The following DNAJC1 variants were observed in gnomAD, a reference collection of about 807,000 sequenced individuals.
The protein encoded by DNAJC1 is dnaJ homolog subfamily C member 1.
A neutral mutation model predicts 76.6 loss-of-function variants in DNAJC1; 58 were observed. The observed-to-expected ratio is 0.76, with a 90% CI of 0.61 to 0.94. The LOEUF is 0.94. Among genes scored for constraint, DNAJC1 ranks in the 40% least tolerant of loss-of-function variants. DNAJC1 has a pLI of 0.00. For synonymous variants in DNAJC1, 258 were observed against 267.9 expected, an observed-to-expected ratio of 0.96 and a Z score of 0.36; for missense variants, 689 against 677.3, an observed-to-expected ratio of 1.02 and a Z score of -0.19.
chr10:21,840,673 C>A (rs1046369091), intron 8 of DNAJC1, among the ~76,000 whole-genome samples: 4 of 152,188 alleles, frequency 2.6e-5, no homozygotes, highest in Non-Finnish European at 5.9e-5. Context: ...AATGGCCATA[C>A]TGCCCAAGGT....
chr10:21,993,125 T>TAC (rs146539302), intron 1 of DNAJC1, among the ~76,000 whole-genome samples: 2 of 151,950 alleles, frequency 1.3e-5, no homozygotes, highest in African/African-American at 4.8e-5. Flanking sequence ...CATATATATA[T>TAC]ACTTTACAAG....
At chr10:21,825,363 T>A (rs1835230913) in intron 8 of DNAJC1, among the ~76,000 whole-genome samples, 1 of 152,274 alleles carries the variant, frequency 6.6e-6, no homozygotes, top group South Asian at 2.1e-4. Flanking sequence ...GTGTAGCATC[T>A]ACCAGTCTTT....
intron 8 of DNAJC1, among the ~76,000 whole-genome samples, chr10:21,816,184 A>G (rs1835071805): frequency 6.7e-6 from 1 of 149,792 alleles, no homozygotes; most frequent in African/African-American, 2.4e-5. Flanking sequence ...CCTGGCCAAC[A>G]TGGTGAAACC....
At chr10:21,993,338 G>A (rs1187683556) in intron 1 of DNAJC1, among the ~76,000 whole-genome samples, 3 of 152,138 alleles carry the variant, frequency 2.0e-5, no homozygotes, top group Non-Finnish European at 2.9e-5. Context: ...ACCATGGCAC[G>A]TTACAGAAAA....
At chr10:21,774,519 G>C (rs1393856039) in intron 9 of DNAJC1, among the ~76,000 whole-genome samples, 1 of 152,138 alleles carries the variant, frequency 6.6e-6, no homozygotes, top group Non-Finnish European at 1.5e-5. Flanking sequence ...CTGTCACCTA[G>C]ACTGGAGCGC....
intron 1 of DNAJC1, among the ~76,000 whole-genome samples, chr10:21,967,250 G>A (rs1314804565): frequency 3.2e-4 from 48 of 152,048 alleles, no homozygotes; most frequent in Non-Finnish European, 2.9e-5. Context: ...TTTACTTTCT[G>A]TGTCTTTAGT....
In DNAJC1 at chr10:21,909,946, T is replaced by G. The variant is rs1836827749; in HGVS notation, c.730-5334A>C. 2.6e-5 allele frequency among the ~76,000 whole-genome samples: 4 copies of G among 152,164 alleles called. No homozygotes were observed. The South Asian group carries it at 8.3e-4, about 32-fold the overall frequency. ...CTAAGGTCTATCAGTCTACCGTGAT[T>G]AATACAAATAGTAAATGCTGTAAAG... is the stretch of plus-strand genomic sequence containing the variant. On this transcript the variant is annotated intron_variant, in intron 6 of 11. Coordinates refer to ENST00000376980, the MANE Select transcript of DNAJC1 (RefSeq NM_022365.4).
chr10:21,764,107 TA>T (rs376380736), intron 10 of DNAJC1, among the ~76,000 whole-genome samples: 356 of 146,636 alleles, frequency 2.4e-3, no homozygotes, highest in African/African-American at 8.0e-3. Context: ...TTCAGAACAA[TA>T]AAAAAAAAAT....
chr10:21,912,904 G>A (rs1350736750), intron 6 of DNAJC1, among the ~76,000 whole-genome samples: 2 of 152,050 alleles, frequency 1.3e-5, no homozygotes, highest in Non-Finnish European at 2.9e-5. Context: ...AGTCTCCATG[G>A]GAGAAGCAGC....
intron 8 of DNAJC1, among the ~76,000 whole-genome samples, chr10:21,807,507 C>T (rs1339247278): frequency 1.3e-5 from 2 of 152,156 alleles, no homozygotes; most frequent in Non-Finnish European, 2.9e-5. Context: ...GTGCATTGCC[C>T]CTGTTAAAGG....
At chr10:21,827,577 T>C (rs965022072) in intron 8 of DNAJC1, among the ~76,000 whole-genome samples, 2 of 152,228 alleles carry the variant, frequency 1.3e-5, no homozygotes, top group Non-Finnish European at 2.9e-5. Context: ...TCCTTGGTGT[T>C]CTGCGGCTTG....
intron 10 of DNAJC1, among the ~76,000 whole-genome samples, chr10:21,763,089 C>A (rs914303090): frequency 3.3e-5 from 5 of 152,094 alleles, no homozygotes; most frequent in African/African-American, 4.8e-5. Context: ...GGCCACAACA[C>A]CCAACTAATT....
intron 8 of DNAJC1, among the ~76,000 whole-genome samples, chr10:21,867,733 C>T (rs1256352761): frequency 2.0e-5 from 3 of 152,020 alleles, no homozygotes; most frequent in Admixed American, 2.0e-4. Flanking sequence ...AATCACACAC[C>T]TACCAGTATT....
At chr10:21,897,905 T>C (rs373655752) in intron 7 of DNAJC1, among the ~76,000 whole-genome samples, 4 of 152,324 alleles carry the variant, frequency 2.6e-5, no homozygotes, top group South Asian at 2.1e-4. Context: ...ATAAAATGCA[T>C]AGATTGTAAA....
chr10:21,981,817 A>G (rs1161359819), intron 1 of DNAJC1, among the ~76,000 whole-genome samples: 2 of 152,192 alleles, frequency 1.3e-5, no homozygotes, highest in Non-Finnish European at 2.9e-5. Flanking sequence ...CTTCACAGCT[A>G]GGCCTCAACC....
Position 21,882,405 on chromosome 10 carries a change from A to G in DNAJC1, c.855T>C (p.Phe285=). The change falls in exon 8 of 12, where the codon TTT becomes TTC. Residue 285 remains phenylalanine (F), a synonymous_variant. Coordinates refer to ENST00000376980, the MANE Select transcript of DNAJC1 (RefSeq NM_022365.4). ...QKKVKKPKPE[F]PVYTPLETTY... is the part of the protein sequence containing the mutation. ...TAGTTTCTAAAGGTGTGTATACAGGAAATTCAGGTTTTGGTTTTTTAACTT... is the reference window on the plus strand; with the variant it reads ...TAGTTTCTAAAGGTGTGTATACAGGGAATTCAGGTTTTGGTTTTTTAACTT... 6.6e-7 allele frequency: 1 copy of G among 1,523,442 alleles called. No homozygotes were observed. The highest frequency in any genetic ancestry group is 8.7e-7 in the Non-Finnish European group (1 of 1,142,920). 94.4% of individuals were successfully genotyped at this position (1,523,442 alleles called of 1,614,324 possible).
intron 7 of DNAJC1, among the ~76,000 whole-genome samples, chr10:21,891,476 CAAAAAAAAAA>C (rs369729722): frequency 7.7e-5 from 3 of 38,862 alleles, no homozygotes; most frequent in Non-Finnish European, 1.5e-4. Flanking sequence ...ACAAAGTAGA[CAAAAAAAAAA>C]AAAAAAAAAG....
chr10:21,882,352 G>C lies in DNAJC1; in HGVS notation c.908C>G (p.Thr303Ser). 2 of 1,602,106 alleles carry C rather than the reference G, an allele frequency of 1.2e-6. No individual in the cohort carries two copies. The highest frequency in any genetic ancestry group is 2.3e-5 in the South Asian group (2 of 88,242). Residue 303 changes from threonine to serine, a missense_variant, in exon 8 of 12, where the codon ACT becomes AGT. Physicochemically the swap from Thr to Ser is moderately conservative, Grantham distance 58. Transcript: ENST00000376980. The part of the protein sequence containing the change: ...TTYIQSYDHG[T>S]SIEEIEEQMD... ...TTGTTCCTCAATTTCTTCTATGGAA[G>C]TTCCATGATCATAAGACTGAATATA...
At chr10:21,898,068 A>G (rs1266936665) in intron 7 of DNAJC1, among the ~76,000 whole-genome samples, 2 of 152,210 alleles carry the variant, frequency 1.3e-5, no homozygotes, top group African/African-American at 4.8e-5. Flanking sequence ...AATTTCTTAC[A>G]CACAGTGAAC....
Sources: gnomAD v4.1 joint callset for allele counts (sites outside exome capture counted in the v4.1 genomes callset) on GRCh38, gnomAD v4.1.1 for gene constraint, MANE v1.5 for transcripts, NCBI Gene and HGNC (gene_info 2026-07-23, HGNC 2026-07-21) for gene names.